The following WDPCP variants were observed in gnomAD, a reference collection of about 807,000 sequenced individuals.
WDPCP encodes the protein WD repeat containing planar cell polarity effector, also known as WD repeat-containing and planar cell polarity effector protein fritz homolog.
A neutral mutation model predicts 93.1 loss-of-function variants in WDPCP; 71 were observed. The ratio of observed to expected loss-of-function variants is 0.76; its 90% CI spans 0.63 to 0.93. WDPCP has a LOEUF of 0.93. WDPCP is among the 40% of genes least tolerant of loss of function. WDPCP has a pLI of 0.00. For synonymous variants in WDPCP, 315 were observed against 315.0 expected, an observed-to-expected ratio of 1.00 and a Z score of 0.00; for missense variants, 844 against 887.4, an observed-to-expected ratio of 0.95 and a Z score of 0.62.
chr2:63,444,536 T>C (rs900826011), intron 6 of WDPCP, among the ~76,000 whole-genome samples: 1 of 152,138 alleles, frequency 6.6e-6, no homozygotes, highest in Non-Finnish European at 1.5e-5. Context: ...AAAGGGTCTA[T>C]GTAAGATTTG....
At chr2:63,264,747 T>C (rs539554294) in intron 13 of WDPCP, among the ~76,000 whole-genome samples, 142 of 152,280 alleles carry the variant, frequency 9.3e-4, no homozygotes, top group African/African-American at 3.2e-3. Context: ...TTTTACAGCA[T>C]CAGCATCCAA....
intron 14 of WDPCP, among the ~76,000 whole-genome samples, chr2:63,176,342 C>G (rs1673801560): frequency 6.6e-6 from 1 of 152,046 alleles, no homozygotes; most frequent in Non-Finnish European, 1.5e-5. Context: ...ACCTCTCAGG[C>G]TCAAGTGATC....
chr2:63,616,443 T>C (rs1304384509), intron 3 of WDPCP, among the ~76,000 whole-genome samples: 1 of 152,244 alleles, frequency 6.6e-6, no homozygotes, highest in African/African-American at 2.4e-5. Flanking sequence ...CAGTCCATGC[T>C]AGACCCTCAC....
At chr2:63,492,782 A>G (rs1700974711) in intron 2 of WDPCP, 74 bp downstream of exon 2, 1 of 1,379,838 alleles carries the variant, frequency 7.2e-7, no homozygotes, top group East Asian at 2.3e-5. Flanking sequence ...TTCAGGCTCT[A>G]ACCTTTGCTA....
At chr2:63,333,267 G>C (rs1257388015) in intron 12 of WDPCP, among the ~76,000 whole-genome samples, 3 of 152,018 alleles carry the variant, frequency 2.0e-5, no homozygotes, top group African/African-American at 7.2e-5. Context: ...ATCTGACTCT[G>C]TCATAACAAG....
chr2:63,268,563 C>T (rs1682355200), intron 13 of WDPCP, among the ~76,000 whole-genome samples: 2 of 152,142 alleles, frequency 1.3e-5, no homozygotes, highest in South Asian at 4.1e-4. Context: ...ACCTCCAGGG[C>T]TCAGGTGATC....
intron 12 of WDPCP, among the ~76,000 whole-genome samples, chr2:63,338,563 AAAAAAAATATATATATATATATATATAT>A (rs1235639345): frequency 8.1e-5 from 7 of 86,482 alleles, no homozygotes; most frequent in South Asian, 7.6e-4. Flanking sequence ...AAAAAAAAAA[AAAAAAAATATATATATATATATATATAT>A]ATATATATAT....
intron 10 of WDPCP, among the ~76,000 whole-genome samples, chr2:63,382,988 G>T (rs572411447): frequency 4.6e-5 from 7 of 152,168 alleles, no homozygotes; most frequent in African/African-American, 1.4e-4. Flanking sequence ...TAGGAACTTT[G>T]CAGGAAACCA....
intron 1 of WDPCP, among the ~76,000 whole-genome samples, chr2:63,551,965 T>C (rs12989504): frequency 2.7e-5 from 4 of 146,924 alleles, no homozygotes. Flanking sequence ...TTTTCTTTTT[T>C]TTTTTTTTTA....
intron 12 of WDPCP, among the ~76,000 whole-genome samples, chr2:63,370,490 G>C (rs1691287020): frequency 6.6e-6 from 1 of 151,818 alleles, no homozygotes; most frequent in Non-Finnish European, 1.5e-5. Flanking sequence ...AAACTTCTTA[G>C]AATTTTTTAA....
At chr2:63,247,625 G>A (rs1177698772) in intron 14 of WDPCP, among the ~76,000 whole-genome samples, 3 of 148,854 alleles carry the variant, frequency 2.0e-5, no homozygotes, top group African/African-American at 7.4e-5. Context: ...TTAGACCTGG[G>A]TACCATCCTC....
intron 13 of WDPCP, among the ~76,000 whole-genome samples, chr2:63,310,034 T>G (rs1165276523): frequency 1.3e-5 from 2 of 152,182 alleles, no homozygotes; most frequent in Non-Finnish European, 2.9e-5. Flanking sequence ...ATTGTTAATC[T>G]GACAAATGTA....
chr2:63,720,267 T>G (rs964163135), intron 2 of WDPCP, among the ~76,000 whole-genome samples: 3 of 151,454 alleles, frequency 2.0e-5, no homozygotes, highest in African/African-American at 7.3e-5. Context: ...TACAAAAAAA[T>G]TTAGCCAGGT....
At chr2:63,737,113 T>C (rs770228289) in intron 2 of WDPCP, among the ~76,000 whole-genome samples, 29 of 152,206 alleles carry the variant, frequency 1.9e-4, no homozygotes, top group Non-Finnish European at 3.7e-4. Flanking sequence ...TTGGCTGCCA[T>C]GTGGTTCACA....
intron 14 of WDPCP, among the ~76,000 whole-genome samples, chr2:63,186,991 G>A (rs1025248175): frequency 1.3e-5 from 2 of 152,002 alleles, no homozygotes; most frequent in Non-Finnish European, 2.9e-5. Context: ...GTGTTGATAT[G>A]TATTTATCCC....
intron 1 of WDPCP, among the ~76,000 whole-genome samples, chr2:63,555,329 C>T (rs1287564973): frequency 6.6e-6 from 1 of 152,212 alleles, no homozygotes; most frequent in East Asian, 1.9e-4. Flanking sequence ...GGTTTATGGG[C>T]AGAACTCTGG....
chr2:63,757,429 T>G (rs1312452844), intron 2 of WDPCP, among the ~76,000 whole-genome samples: 1 of 152,212 alleles, frequency 6.6e-6, no homozygotes, highest in Non-Finnish European at 1.5e-5. Context: ...TTTTTTTTAT[T>G]TCACAGGTGT....
intron 12 of WDPCP, among the ~76,000 whole-genome samples, chr2:63,324,409 C>T (rs1028741327): frequency 6.6e-5 from 10 of 152,104 alleles, no homozygotes; most frequent in Admixed American, 2.0e-4. Flanking sequence ...CCCGGGCTAT[C>T]GGTTACGTCC....
At chr2:63,715,996 C>T (rs765642634) in intron 2 of WDPCP, among the ~76,000 whole-genome samples, 1 of 152,222 alleles carries the variant, frequency 6.6e-6, no homozygotes, top group Non-Finnish European at 1.5e-5. Context: ...ATGTGCTTAA[C>T]TGCAGAGGGG....
Sources: gnomAD v4.1 joint callset for allele counts (sites outside exome capture counted in the v4.1 genomes callset) on GRCh38, gnomAD v4.1.1 for gene constraint, MANE v1.5 for transcripts, NCBI Gene and HGNC (gene_info 2026-07-23, HGNC 2026-07-21) for gene names.